The following XCR1 variants were observed in gnomAD, a reference collection of about 807,000 sequenced individuals.
XCR1 encodes X-C motif chemokine receptor 1.
For synonymous variants in XCR1, 187 were observed against 188.5 expected (o/e 0.99, Z 0.06); for missense variants, 356 against 424.2 (o/e 0.84, Z 1.41).
intron 5 of XCR1, among the ~76,000 whole-genome samples, chr3:46,032,920 TATC>T (rs1708426335): frequency 1.3e-5 from 2 of 152,256 alleles, no homozygotes; most frequent in African/African-American, 4.8e-5. Flanking sequence ...CGAATCTGTC[TATC>T]ATCTGTGGTG....
chr3:46,082,476 C>CTTTTTTTTTTT (rs61282576), intron 1 of XCR1, among the ~76,000 whole-genome samples: 4 of 100,026 alleles, frequency 4.0e-5, no homozygotes, highest in Non-Finnish European at 7.4e-5. Context: ...AATCAGGCTC[C>CTTTTTTTTTTT]TTTTTTTTTT....
chr3:46,033,919 T>C (rs909938596), intron 5 of XCR1, among the ~76,000 whole-genome samples: 4 of 152,188 alleles, frequency 2.6e-5, no homozygotes, highest in Non-Finnish European at 5.9e-5. Context: ...AATTTTTTGG[T>C]GCTAATGTAA....
chr3:46,060,653 G>A (rs927421213), intron 4 of XCR1, among the ~76,000 whole-genome samples: 1 of 152,176 alleles, frequency 6.6e-6, no homozygotes, highest in African/African-American at 2.4e-5. Flanking sequence ...AGGAACAGAA[G>A]CAAACATTTT....
At chr3:46,077,474 A>C (rs576315239) in intron 1 of XCR1, among the ~76,000 whole-genome samples, 6 of 152,160 alleles carry the variant, frequency 3.9e-5, no homozygotes, top group Admixed American at 2.6e-4. Flanking sequence ...TACTGATTCT[A>C]CATTATGGTG....
upstream of XCR1, among the ~76,000 whole-genome samples, chr3:46,030,829 GA>G (rs2125895600): frequency 6.6e-6 from 1 of 152,362 alleles, no homozygotes; most frequent in East Asian, 1.9e-4. Context: ...GGCCGGGCAG[GA>G]CCTACTCTCA....
chr3:46,021,993 A>T lies in XCR1; in HGVS notation c.-31-15T>A. The T allele has an allele frequency of 1.3e-6, 2 of 1,562,504 alleles. No individual in the cohort carries two copies. Among genetic ancestry groups the T allele is most frequent in the South Asian group, 2.5e-5 (2 of 81,060 alleles). ...GTTTAGAGCATCTGAAATGATAGAG[A>T]CATGGAGTTTAAAGCCATGTGGTGG... On this transcript the variant is annotated splice_polypyrimidine_tract_variant and intron_variant, in intron 1 of 1. Coordinates refer to ENST00000309285, the MANE Select transcript of XCR1 (RefSeq NM_001024644.2). This position sits in a 1 kb window ranked among gnomAD's most constrained non-coding sequence, Gnocchi z 4.7.
At chr3:46,079,461 T>C (rs1054154834) in intron 1 of XCR1, among the ~76,000 whole-genome samples, 1 of 152,078 alleles carries the variant, frequency 6.6e-6, no homozygotes, top group Non-Finnish European at 1.5e-5. Flanking sequence ...CCTAAATCTA[T>C]TTCTGAATTT....
intron 1 of XCR1, among the ~76,000 whole-genome samples, chr3:46,081,604 G>A (rs1357540426): frequency 7.9e-5 from 12 of 152,250 alleles, no homozygotes; most frequent in Non-Finnish European, 1.2e-4. Context: ...ATATTTGACA[G>A]ACCAGTGAAG....
chr3:46,036,453 T>G (rs1289294970), intron 5 of XCR1, among the ~76,000 whole-genome samples: 1 of 152,270 alleles, frequency 6.6e-6, no homozygotes, highest in East Asian at 1.9e-4. Flanking sequence ...TTTATTATGC[T>G]ATGTCTTTTT....
intron 5 of XCR1, among the ~76,000 whole-genome samples, chr3:46,034,254 G>C (rs1440445397): frequency 6.6e-6 from 1 of 152,182 alleles, no homozygotes; most frequent in African/African-American, 2.4e-5. Flanking sequence ...TTACAGGTGT[G>C]AGCCACTGCA....
At chr3:46,043,873 ATG>A (rs1265457824) in intron 5 of XCR1, among the ~76,000 whole-genome samples, 3 of 152,180 alleles carry the variant, frequency 2.0e-5, no homozygotes, top group Non-Finnish European at 2.9e-5. Flanking sequence ...AAGTAAAATT[ATG>A]TGTGTTAACA....
intron 5 of XCR1, among the ~76,000 whole-genome samples, chr3:46,039,169 A>T (rs1230576986): frequency 1.3e-5 from 2 of 152,242 alleles, no homozygotes; most frequent in Non-Finnish European, 2.9e-5. Context: ...ATGTGTGATG[A>T]TGCTCTTTTA....
At chr3:46,025,004 C>T (rs1708257880) in intron 1 of XCR1, among the ~76,000 whole-genome samples, 1 of 151,844 alleles carries the variant, frequency 6.6e-6, no homozygotes, top group Non-Finnish European at 1.5e-5. Context: ...ATGAAAATAC[C>T]ACATATCAGA....
At chr3:46,065,337 T>G (rs1698048184) in intron 4 of XCR1, among the ~76,000 whole-genome samples, 1 of 152,180 alleles carries the variant, frequency 6.6e-6, no homozygotes, top group Admixed American at 6.5e-5. Flanking sequence ...TAGGGACTGT[T>G]ACCTGCAGGA....
chr3:46,041,519 A>G (rs1697536182), intron 5 of XCR1, among the ~76,000 whole-genome samples: 2 of 152,210 alleles, frequency 1.3e-5, no homozygotes, highest in Non-Finnish European at 2.9e-5. Context: ...CACCCATGGT[A>G]TAGACCTTCC....
At chr3:46,039,419 G>T in intron 5 of XCR1, among the ~76,000 whole-genome samples, 1 of 152,198 alleles carries the variant, frequency 6.6e-6, no homozygotes, top group Non-Finnish European at 1.5e-5. Flanking sequence ...CATGTGCAAT[G>T]CGTAACCTAA....
intron 4 of XCR1, among the ~76,000 whole-genome samples, chr3:46,061,670 T>A (rs1697964654): frequency 6.6e-6 from 1 of 152,122 alleles, no homozygotes; most frequent in African/African-American, 2.4e-5. Flanking sequence ...TACAGCCATA[T>A]CTCAGTGAAG....
Position 46,023,175 on chromosome 3 carries a change from G to A in XCR1, c.-31-1197C>T, listed in dbSNP as rs908109526. On this transcript the variant is annotated intron_variant, in intron 1 of 1. Transcript: ENST00000309285. Reference sequence around the variant, plus strand: ...GGGCCCGTGGCGCGGGGCCTGAGGAGGAAGTGGAGAGATTGTTGCTCCCTC... The same window carrying A: ...GGGCCCGTGGCGCGGGGCCTGAGGAAGAAGTGGAGAGATTGTTGCTCCCTC... 4 of 432,184 alleles carry A rather than the reference G, an allele frequency of 9.3e-6. No individual in the cohort carries two copies. In the Admixed American group the frequency reaches 1.8e-4, roughly 19 times the overall value. 26.8% of individuals were successfully genotyped at this position (432,184 alleles called of 1,614,324 possible). A position where few individuals can be genotyped will look rare whatever the true frequency, so the allele number is the denominator to read the frequency against.
At chr3:46,066,798 T>G (rs1446694635) in intron 4 of XCR1, among the ~76,000 whole-genome samples, 1 of 152,248 alleles carries the variant, frequency 6.6e-6, no homozygotes, top group African/African-American at 2.4e-5. Context: ...CTATGCAATT[T>G]TGGCACCTCA....
Sources: allele counts gnomAD v4.1 joint callset (sites outside exome capture counted in the v4.1 genomes callset), GRCh38; gene constraint gnomAD v4.1.1; non-coding constraint Gnocchi (gnomAD v3.1); transcripts MANE v1.5; gene names NCBI Gene and HGNC (gene_info 2026-07-23, HGNC 2026-07-21).